The following UNC5A variants were observed in gnomAD, a reference collection of about 807,000 sequenced individuals.
The protein encoded by UNC5A is netrin receptor UNC5A.
UNC5A carries 20 observed loss-of-function variants against 87.4 expected under a neutral mutation model. That is an observed-to-expected ratio of 0.23 (90% CI 0.16 to 0.33). The LOEUF (loss-of-function observed/expected upper bound fraction) is 0.33, where lower values mean the gene tolerates loss of function less well. UNC5A is among the 10% of genes least tolerant of loss of function. The pLI is 1.00. For missense variants in UNC5A, 844 were observed against 1,133.4 expected, an observed-to-expected ratio of 0.74 and a Z score of 3.67; for synonymous variants, 438 against 482.3, an observed-to-expected ratio of 0.91 and a Z score of 1.20.
At chr5:176,872,211 A>AC (rs1758135048) in intron 6 of UNC5A, among the ~76,000 whole-genome samples, 2 of 31,222 alleles carry the variant, frequency 6.4e-5, no homozygotes, top group Non-Finnish European at 1.2e-4. Context: ...GCCCACACTC[A>AC]CCAACACCAC....
chr5:176,814,498 C>A (rs1235332566), intron 1 of UNC5A, among the ~76,000 whole-genome samples: 3 of 152,212 alleles, frequency 2.0e-5, no homozygotes, highest in Admixed American at 6.5e-5. Flanking sequence ...TCTGTCCAGA[C>A]CTGGGACACA....
chr5:176,830,384 CGT>C (rs1396016208), intron 1 of UNC5A, among the ~76,000 whole-genome samples: 1 of 144,876 alleles, frequency 6.9e-6, no homozygotes, highest in Non-Finnish European at 1.5e-5. Context: ...GTGTGTTGTG[CGT>C]GTGTGTGCTG....
At position 176,875,259 on chromosome 5, in the gene UNC5A, C is replaced by G. The variant is rs1424615467; in HGVS notation, c.1378+693C>G. ...TCCCCCATCCTTAGCCTGCAGTTCT[C>G]CCGGGCGACAGAACTGTACACCCAG... On this transcript the variant is annotated intron_variant, in intron 8 of 14. Coordinates refer to ENST00000329542, the MANE Select transcript of UNC5A (RefSeq NM_133369.3). The surrounding 1 kb of genome is among the most constrained non-coding windows in gnomAD (Gnocchi z 5.2). Among the ~76,000 whole-genome samples the G allele has an allele frequency of 2.0e-5, 3 of 152,172 alleles. No homozygotes were observed. The highest frequency in any genetic ancestry group is 1.3e-4 in the Admixed American group (2 of 15,280).
intron 2 of UNC5A, among the ~76,000 whole-genome samples, chr5:176,863,255 A>G (rs984494000): frequency 1.3e-5 from 2 of 152,162 alleles, no homozygotes; most frequent in East Asian, 3.9e-4. Context: ...AGAACCGGTT[A>G]GGGAGTGCAG....
At chr5:176,877,377 G>A (rs528325915) in intron 9 of UNC5A, 98 bp downstream of exon 9, 120 of 1,371,102 alleles carry the variant, frequency 8.8e-5, no homozygotes, top group African/African-American at 5.4e-4. Flanking sequence ...TGCCTGGCCC[G>A]AGGCGGCGGG....
intron 1 of UNC5A, among the ~76,000 whole-genome samples, chr5:176,857,952 C>G (rs1439607022): frequency 2.0e-5 from 3 of 152,212 alleles, no homozygotes; most frequent in African/African-American, 4.8e-5. Context: ...AGTGGCAGGG[C>G]CCATGAAGCT....
At chr5:176,845,833 TGAG>T (rs1757390328) in intron 1 of UNC5A, among the ~76,000 whole-genome samples, 1 of 152,116 alleles carries the variant, frequency 6.6e-6, no homozygotes, top group South Asian at 2.1e-4. Flanking sequence ...ATTCAGGCGA[TGAG>T]GAGTGTGCTA....
At chr5:176,833,388 G>A (rs1454728187) in intron 1 of UNC5A, among the ~76,000 whole-genome samples, 1 of 152,194 alleles carries the variant, frequency 6.6e-6, no homozygotes, top group Non-Finnish European at 1.5e-5. Context: ...CCACTTAAGT[G>A]AGAACATGGT....
intron 1 of UNC5A, among the ~76,000 whole-genome samples, chr5:176,851,670 C>T (rs1240879395): frequency 3.3e-5 from 5 of 152,160 alleles, no homozygotes; most frequent in Admixed American, 2.0e-4. Context: ...TCGGGTGGCC[C>T]CCGGAGAGGG....
chr5:176,851,581 G>A (rs747401195), intron 1 of UNC5A, among the ~76,000 whole-genome samples: 1 of 152,358 alleles, frequency 6.6e-6, no homozygotes, highest in East Asian at 1.9e-4. Flanking sequence ...CATCATCCCC[G>A]CGCCGGGGCC....
intron 1 of UNC5A, among the ~76,000 whole-genome samples, chr5:176,850,355 C>A (rs146634161): frequency 7.9e-5 from 12 of 152,152 alleles, no homozygotes; most frequent in East Asian, 1.9e-4. Flanking sequence ...GATTCTCTTT[C>A]TAGAAATAGC....
In UNC5A at chr5:176,824,297, G is replaced by A. The variant is rs73340055; in HGVS notation, c.70+13477G>A. Among the ~76,000 whole-genome samples the A allele has an allele frequency of 0.057, 8,692 of 152,234 alleles. 705 individuals carry two copies. The highest frequency in any genetic ancestry group is 0.18 in the African/African-American group (7,471 of 41,502). On this transcript the variant is annotated intron_variant, in intron 1 of 14. Coordinates refer to ENST00000329542, the MANE Select transcript of UNC5A (RefSeq NM_133369.3). The surrounding 1 kb of genome is among the most constrained non-coding windows in gnomAD (Gnocchi z 4.2). ...CAAGCGGAGGGAGGAGGCTGTCCCA[G>A]TGGCCCCGAGGCCCTGAGGCTCTGG... is the stretch of plus-strand genomic sequence containing the variant.
rs1444257600 is a variant in UNC5A at position 176,869,647 on chromosome 5, C to A, written c.721+683C>A. 1.4e-6 allele frequency: 1 copy of A among 699,900 alleles called. No individual in the cohort carries two copies. The highest frequency in any genetic ancestry group is 2.6e-6 in the Non-Finnish European group (1 of 383,430). The allele number at this position is 699,900 out of a possible 1,614,324, so 43.4% of individuals were successfully genotyped here. On this transcript the variant is annotated intron_variant, in intron 5 of 14. Transcript: ENST00000329542. This position sits in a 1 kb window ranked among gnomAD's most constrained non-coding sequence, Gnocchi z 9.1. ...GGGTGGTCGACGTGGACCGAGTGGT[C>A]CGTCTGCAGCGCCAGCTGTGGGCGC...
Position 176,865,432 on chromosome 5 carries a change from C to A in UNC5A, c.292+2587C>A, listed in dbSNP as rs920077699. ...CCGGGAGCCCCTGGCCCACACTCCC[C>A]AGCCGGCTCCTGTGGCCCTGTTCTC... On this transcript the variant is annotated intron_variant, in intron 2 of 14. Transcript: ENST00000329542. The surrounding 1 kb of genome is among the most constrained non-coding windows in gnomAD (Gnocchi z 5.3). 6 of 363,216 alleles carry A rather than the reference C, an allele frequency of 1.7e-5. No homozygotes were observed. Among genetic ancestry groups the A allele is most frequent in the African/African-American group, 8.5e-5 (4 of 46,970 alleles). The allele number at this position is 363,216 out of a possible 1,614,324, so 22.5% of individuals were successfully genotyped here.
At chr5:176,830,444 T>A (rs997079996) in intron 1 of UNC5A, among the ~76,000 whole-genome samples, 46 of 148,916 alleles carry the variant, frequency 3.1e-4, no homozygotes, top group African/African-American at 1.1e-3. Flanking sequence ...CTGGCATGTG[T>A]GTGTGTGTGT....
At chr5:176,879,184 G>A in intron 13 of UNC5A, 126 bp from the exon 14 acceptor site, 1 of 1,185,626 alleles carries the variant, frequency 8.4e-7, no homozygotes, top group Non-Finnish European at 1.2e-6. Context: ...GAGGTGCCCA[G>A]GAAGTACCAG....
chr5:176,818,613 G>C (rs1442732267), intron 1 of UNC5A, among the ~76,000 whole-genome samples: 1 of 152,210 alleles, frequency 6.6e-6, no homozygotes, highest in African/African-American at 2.4e-5. Flanking sequence ...AAGTGGCAGA[G>C]CTGGGACCTT....
intron 1 of UNC5A, among the ~76,000 whole-genome samples, chr5:176,830,648 A>C (rs1393362570): frequency 3.9e-5 from 2 of 51,274 alleles, no homozygotes; most frequent in African/African-American, 1.7e-4. Context: ...TGGCGTGTGC[A>C]TTTGTGTGTG....
chr5:176,834,347 G>C (rs544587529), intron 1 of UNC5A, among the ~76,000 whole-genome samples: 3 of 152,120 alleles, frequency 2.0e-5, no homozygotes, highest in Admixed American at 2.0e-4. Flanking sequence ...CAGCTGGACC[G>C]ATCTGTCTCC....
Sources: allele counts gnomAD v4.1 joint callset (sites outside exome capture counted in the v4.1 genomes callset), GRCh38; gene constraint gnomAD v4.1.1; non-coding constraint Gnocchi (gnomAD v3.1); transcripts MANE v1.5; gene names NCBI Gene and HGNC (gene_info 2026-07-23, HGNC 2026-07-21).